Variants in AP3B1 observed in about 807,000 individuals in gnomAD.
AP3B1 encodes the protein AP-3 complex subunit beta-1.
Under a neutral mutation model 132.5 loss-of-function variants are expected in AP3B1, and 61 were observed. The observed-to-expected ratio is 0.46, with a 90% CI of 0.37 to 0.57. The LOEUF is 0.57. Among genes scored for constraint, AP3B1 ranks in the 20% least tolerant of loss-of-function variants. The pLI, the probability that AP3B1 is intolerant of heterozygous loss-of-function variation, is 0.00. For missense variants in AP3B1, 1,120 were observed against 1,289.4 expected (o/e 0.87, Z 2.01); for synonymous variants, 388 against 438.3 (o/e 0.89, Z 1.43).
At chr5:78,171,014 T>TA (rs1212499603) in intron 11 of AP3B1, among the ~76,000 whole-genome samples, 4 of 152,210 alleles carry the variant, frequency 2.6e-5, no homozygotes, top group Non-Finnish European at 5.9e-5. Context: ...TGCTTGCTTT[T>TA]ATCAGGTTTG....
chr5:78,250,026 G>A (rs369192895), intron 2 of AP3B1, among the ~76,000 whole-genome samples: 2 of 152,004 alleles, frequency 1.3e-5, no homozygotes, highest in Non-Finnish European at 2.9e-5. Flanking sequence ...TTTCTGCAGG[G>A]GTATGGTTCA....
chr5:78,072,869 A>C (rs1749601328), intron 22 of AP3B1, among the ~76,000 whole-genome samples: 1 of 151,632 alleles, frequency 6.6e-6, no homozygotes, highest in Admixed American at 6.6e-5. Flanking sequence ...TTAAAGGCAC[A>C]AGCCACCATG....
At chr5:78,128,208 T>C in intron 16 of AP3B1, 48 bp from the exon 17 acceptor site, 1 of 1,464,528 alleles carries the variant, frequency 6.8e-7, no homozygotes, top group Non-Finnish European at 9.4e-7. Flanking sequence ...GAGCTGTATA[T>C]AACAGAGAAC....
At chr5:78,003,854 C>T (rs1416322070) in intron 26 of AP3B1, among the ~76,000 whole-genome samples, 1 of 152,200 alleles carries the variant, frequency 6.6e-6, no homozygotes, top group Non-Finnish European at 1.5e-5. Context: ...CCGTTGCAGG[C>T]ATAACGAACT....
chr5:78,105,400 AT>A (rs991992221), intron 20 of AP3B1, among the ~76,000 whole-genome samples: 1 of 152,142 alleles, frequency 6.6e-6, no homozygotes, highest in African/African-American at 2.4e-5. Context: ...TTTTAAATAA[AT>A]TTTTTCACCA....
At chr5:78,018,671 A>AACACACAC (rs3050070) in intron 25 of AP3B1, among the ~76,000 whole-genome samples, 1,748 of 146,666 alleles carry the variant, frequency 0.012, 31 homozygotes, top group African/African-American at 0.04. Context: ...AAGCTGGTGT[A>AACACACAC]ACACACACAC....
At chr5:78,164,451 G>A (rs116090158) in intron 12 of AP3B1, among the ~76,000 whole-genome samples, 1,645 of 151,980 alleles carry the variant, frequency 0.011, 19 homozygotes, top group Non-Finnish European at 0.019. Flanking sequence ...AATCCCAGGA[G>A]ACTTGATATA....
intron 2 of AP3B1, among the ~76,000 whole-genome samples, chr5:78,265,434 C>A (rs1049435981): frequency 7.9e-5 from 12 of 151,974 alleles, no homozygotes; most frequent in African/African-American, 2.9e-4. Flanking sequence ...CAGAGCAAGA[C>A]CCTGTCTCTA....
rs576237742 is a variant in AP3B1 at position 78,037,016 on chromosome 5, T to C, written c.2809+2027A>G. Among the ~76,000 whole-genome samples the C allele has an allele frequency of 3.5e-4, 54 of 152,206 alleles. 1 individual carries two copies. Among genetic ancestry groups the C allele is most frequent in the Middle Eastern group, 6.8e-3 (2 of 294 alleles). On this transcript the variant is annotated intron_variant, in intron 23 of 26. Transcript: ENST00000255194. Reference sequence around the variant, plus strand: ...ATTCAATAAATGCCAACCAAATGAATGAAACATACAGTCACAAAAATTTGT... The same window carrying C: ...ATTCAATAAATGCCAACCAAATGAACGAAACATACAGTCACAAAAATTTGT...
intron 7 of AP3B1, among the ~76,000 whole-genome samples, chr5:78,183,318 A>T (rs1206087857): frequency 1.3e-5 from 2 of 152,204 alleles, no homozygotes. Context: ...AAACAAAGCC[A>T]GTTAACCTGA....
chr5:78,281,132 T>C (rs1368632742), intron 1 of AP3B1, among the ~76,000 whole-genome samples: 1 of 152,116 alleles, frequency 6.6e-6, no homozygotes, highest in Non-Finnish European at 1.5e-5. Context: ...TAAAGTATGC[T>C]ATCACTTAAA....
intron 22 of AP3B1, among the ~76,000 whole-genome samples, chr5:78,067,998 A>T (rs1297249545): frequency 1.3e-5 from 2 of 152,042 alleles, no homozygotes; most frequent in African/African-American, 4.8e-5. Context: ...GTTTGAAAAA[A>T]ATTAATAAAA....
chr5:78,213,088 C>T (rs1214198011), intron 7 of AP3B1, among the ~76,000 whole-genome samples: 1 of 151,812 alleles, frequency 6.6e-6, no homozygotes, highest in Non-Finnish European at 1.5e-5. Context: ...ACCGTGTTAG[C>T]CAGGATGGTC....
At chr5:78,248,614 A>C (rs755197443) in intron 2 of AP3B1, among the ~76,000 whole-genome samples, 14 of 152,058 alleles carry the variant, frequency 9.2e-5, no homozygotes, top group Non-Finnish European at 1.9e-4. Context: ...AAAACCTCTC[A>C]GATAGTGGGA....
chr5:78,227,747 T>C (rs1051374112), intron 4 of AP3B1, among the ~76,000 whole-genome samples: 3 of 152,176 alleles, frequency 2.0e-5, no homozygotes, highest in African/African-American at 7.2e-5. Flanking sequence ...AAAGTAATAG[T>C]TATAATTCTA....
chr5:78,278,682 G>A (rs1748904887), intron 1 of AP3B1, among the ~76,000 whole-genome samples: 1 of 150,766 alleles, frequency 6.6e-6, no homozygotes, highest in Non-Finnish European at 1.5e-5. Context: ...TAAAACAGGG[G>A]TCCTCAACCC....
chr5:78,206,653 A>G (rs1365373096), intron 7 of AP3B1, among the ~76,000 whole-genome samples: 1 of 152,246 alleles, frequency 6.6e-6, no homozygotes, highest in Non-Finnish European at 1.5e-5. Context: ...ATAAGATGAT[A>G]AACTATAGAA....
chr5:78,243,712 C>T (rs1747243542), intron 2 of AP3B1, among the ~76,000 whole-genome samples: 1 of 152,002 alleles, frequency 6.6e-6, no homozygotes, highest in Non-Finnish European at 1.5e-5. Flanking sequence ...AGGAAGGGAC[C>T]CATGTGACTA....
chr5:78,054,478 C>T (rs1748719351), intron 22 of AP3B1, among the ~76,000 whole-genome samples: 1 of 151,504 alleles, frequency 6.6e-6, no homozygotes, highest in South Asian at 2.1e-4. Flanking sequence ...GTGAGCTTCA[C>T]ACAAACAATC....
Sources: gnomAD v4.1 joint callset for allele counts (sites outside exome capture counted in the v4.1 genomes callset) on GRCh38, gnomAD v4.1.1 for gene constraint, MANE v1.5 for transcripts, NCBI Gene and HGNC (gene_info 2026-07-23, HGNC 2026-07-21) for gene names.